The following OR10K2 variants were observed in gnomAD, a reference collection of about 807,000 sequenced individuals.
OR10K2 encodes olfactory receptor 10K2.
For synonymous variants in OR10K2, 169 were observed against 146.4 expected (o/e 1.15, Z -1.11); for missense variants, 401 against 367.1 (o/e 1.09, Z -0.76).
chr1:158,422,659 A>G (rs1655181307), intron 1 of OR10K2, among the ~76,000 whole-genome samples: 1 of 152,124 alleles, frequency 6.6e-6, no homozygotes, highest in African/African-American at 2.4e-5. Flanking sequence ...TAACAAAATT[A>G]ATGACAATGC....
rs1356912127 is a variant in OR10K2, at chr1:158,418,557, TG to T, written c.*1370del. 1.3e-5 allele frequency: 2 copies of T among 152,134 alleles called. No homozygotes were observed. The highest frequency in any genetic ancestry group is 4.8e-5 in the African/African-American group (2 of 41,444). The allele number at this position is 152,134 out of a possible 1,614,324, so 9.4% of individuals were successfully genotyped here. A position where few individuals can be genotyped will look rare whatever the true frequency, so the allele number is the denominator to read the frequency against. ...AAGAAATGCAATTGACTTACATTCT[TG>T]GCAGATGTCCTACAATAAACAGGGC... is the stretch of plus-strand genomic sequence containing the variant. On this transcript the variant is annotated 3_prime_UTR_variant, in exon 2 of 2. Coordinates refer to ENST00000641042, the MANE Select transcript of OR10K2 (RefSeq NM_001004476.2).
At position 158,426,178 on chromosome 1, in the gene OR10K2, T is replaced by C. The variant is rs1655251865; in HGVS notation, c.-307A>G. 1 of 152,066 alleles carries C rather than the reference T, an allele frequency of 6.6e-6. No individual in the cohort carries two copies. The highest frequency in any genetic ancestry group is 2.1e-4 in the South Asian group (1 of 4,822). The allele number at this position is 152,066 out of a possible 1,614,324, so 9.4% of individuals were successfully genotyped here. A position where few individuals can be genotyped will look rare whatever the true frequency, so the allele number is the denominator to read the frequency against. ...CAAAATGGGTCACAGGCTACTGATA[T>C]TTACTCAGAGGTAGAGATGTGATGA... On this transcript the variant is annotated 5_prime_UTR_variant, in exon 1 of 2. Transcript: ENST00000641042.
chr1:158,420,881 C>A lies in OR10K2; in HGVS notation c.-15G>T. On this transcript the variant is annotated 5_prime_UTR_variant, in exon 2 of 2. Transcript: ENST00000641042. Reference sequence around the variant, plus strand: ...ACCCGCTCCATGGAGCATACATCATCAGGAGACAATTAGGGAGAGAAGAGG... The same window carrying A: ...ACCCGCTCCATGGAGCATACATCATAAGGAGACAATTAGGGAGAGAAGAGG... 1 of 1,607,342 alleles carries A rather than the reference C, an allele frequency of 6.2e-7. No individual in the cohort carries two copies. Among genetic ancestry groups the A allele is most frequent in the Non-Finnish European group, 8.5e-7 (1 of 1,176,230 alleles).
intron 1 of OR10K2, among the ~76,000 whole-genome samples, chr1:158,424,538 T>C (rs2101648951): frequency 6.6e-6 from 1 of 152,240 alleles, no homozygotes; most frequent in South Asian, 2.1e-4. Context: ...AGTTGACATT[T>C]ATCACATGCT....
intron 1 of OR10K2, 49 bp downstream of exon 1, chr1:158,425,883 TC>T (rs1655244282): frequency 2.0e-5 from 3 of 152,118 alleles, no homozygotes; most frequent in Admixed American, 2.0e-4. Flanking sequence ...AGTCTCTCTT[TC>T]TGTTATTGGT....
intron 1 of OR10K2, among the ~76,000 whole-genome samples, chr1:158,424,834 T>C (rs932895439): frequency 5.3e-5 from 8 of 151,968 alleles, no homozygotes; most frequent in African/African-American, 1.7e-4. Context: ...TGCTACAATT[T>C]TGTTATGGCC....
chr1:158,420,175 G>A lies in OR10K2; in HGVS notation c.692C>T (p.Thr231Ile). The A allele has an allele frequency of 6.2e-7, 1 of 1,613,772 alleles. No homozygotes were observed. The highest frequency in any genetic ancestry group is 1.3e-5 in the African/African-American group (1 of 75,014). Residue 231 changes from threonine to isoleucine, a missense_variant, in exon 2 of 2, where the codon ACA becomes ATA. Physicochemically the swap from Thr to Ile is moderately conservative, Grantham distance 89. Transcript: ENST00000641042. ...AGAAAAAGCTTTGCACCTACCCAGTGTGGAAGGAAACTGAAGTATGGCAGA... is the reference window on the plus strand; with the variant it reads ...AGAAAAAGCTTTGCACCTACCCAGTATGGAAGGAAACTGAAGTATGGCAGA... ...ILSAILQFPS[T>I]LGRCKAFSTC...
chr1:158,420,764 A>G lies in OR10K2; in HGVS notation c.103T>C (p.Tyr35His), dbSNP rs1192622125. ...QLLFVIFLLL[Y>H]LFTLGTNAII... ...GCATTGGTGCCCAGAGTGAACAGGT[A>G]GAGGAGCAGGAAGATAACAAAGAGC... The change falls in exon 2 of 2, where the codon TAC (tyrosine) becomes CAC (histidine). Residue 35 changes from tyrosine (Y) to histidine (H), a missense_variant. Physicochemically the swap from Tyr to His is moderately conservative, Grantham distance 83. Coordinates refer to ENST00000641042, the MANE Select transcript of OR10K2 (RefSeq NM_001004476.2). 1 of 1,613,778 alleles carries G rather than the reference A, an allele frequency of 6.2e-7. No individual in the cohort carries two copies. Among genetic ancestry groups the G allele is most frequent in the East Asian group, 2.2e-5 (1 of 44,848 alleles).
intron 1 of OR10K2, among the ~76,000 whole-genome samples, chr1:158,421,409 C>T (rs1479035469): frequency 2.0e-5 from 3 of 152,136 alleles, no homozygotes; most frequent in African/African-American, 7.2e-5. Context: ...TTTTCCTTAC[C>T]TCCTGGCAGG....
chr1:158,425,624 A>G (rs1029641733), intron 1 of OR10K2, among the ~76,000 whole-genome samples: 2 of 152,052 alleles, frequency 1.3e-5, no homozygotes, highest in African/African-American at 2.4e-5. Flanking sequence ...TAGGTATTAT[A>G]TCTTTGTGTA....
At position 158,418,761 on chromosome 1, in the gene OR10K2, T is replaced by C. The variant is rs540032465; in HGVS notation, c.*1167A>G. 2.6e-5 allele frequency: 4 copies of C among 152,282 alleles called. No individual in the cohort carries two copies. The highest frequency in any genetic ancestry group is 6.5e-5 in the Admixed American group (1 of 15,284). 9.4% of individuals were successfully genotyped at this position (152,282 alleles called of 1,614,324 possible). A position where few individuals can be genotyped will look rare whatever the true frequency, so the allele number is the denominator to read the frequency against. ...GTTATAATGTGAGAAATCATCACTA[T>C]TGTGAAACTTCCTTTTTGCTATCAC... is the stretch of plus-strand genomic sequence containing the variant. On this transcript the variant is annotated 3_prime_UTR_variant, in exon 2 of 2. Coordinates refer to ENST00000641042, the MANE Select transcript of OR10K2 (RefSeq NM_001004476.2).
In OR10K2 at chr1:158,420,238, G is replaced by A. The variant is rs76478452; in HGVS notation, c.629C>T (p.Pro210Leu). The A allele has an allele frequency of 5.5e-5, 88 of 1,613,632 alleles. No homozygotes were observed. The Admixed American group carries it at 1.4e-3, about 26-fold the overall frequency. ...ATAGGACACCAAGATCAACAATAAG[G>A]GGATAGCCAGGACCAATGTACAGAG... The part of the protein sequence containing the change: ...FMLCTLVLAI[P>L]LLLILVSYVH... Residue 210 changes from proline (P) to leucine (L), a missense_variant, in exon 2 of 2, where the codon CCC (proline) becomes CTC (leucine). Coordinates refer to ENST00000641042, the MANE Select transcript of OR10K2 (RefSeq NM_001004476.2).
In OR10K2 at chr1:158,420,819, G is replaced by T; in HGVS notation, c.48C>A (p.Gly16=). The T allele has an allele frequency of 6.2e-7, 1 of 1,613,604 alleles. No individual in the cohort carries two copies. The highest frequency in any genetic ancestry group is 8.5e-7 in the Non-Finnish European group (1 of 1,179,806). The change falls in exon 2 of 2, where the codon GGC becomes GGA. Residue 16 remains glycine (G), a synonymous_variant. Coordinates refer to ENST00000641042, the MANE Select transcript of OR10K2 (RefSeq NM_001004476.2). The part of the protein sequence containing the change: ...ETVVREVIFL[G]FSSLARLQQL... ...GCTGCAGCCTGGCCAGGGATGAGAAGCCGAGGAAGATGACCTCTCTCACCA... is the reference window on the plus strand; with the variant it reads ...GCTGCAGCCTGGCCAGGGATGAGAATCCGAGGAAGATGACCTCTCTCACCA...
rs190443859 is a variant in OR10K2, at chr1:158,421,084, C to A, written c.-61-157G>T. ...CAAACTTTGAGTCTCCATAGTAGTT[C>A]TAACACCATAGCCAAAAAGTTCTTG... On this transcript the variant is annotated intron_variant, in intron 1 of 1. Transcript: ENST00000641042. 6.6e-5 allele frequency among the ~76,000 whole-genome samples: 10 copies of A among 152,172 alleles called. 1 individual carries two copies. Among genetic ancestry groups the A allele is most frequent in the Admixed American group, 6.6e-4 (10 of 15,266 alleles).
In OR10K2 at chr1:158,420,681, G is replaced by A. The variant is rs1294825100; in HGVS notation, c.186C>T (p.Phe62=). 1.2e-6 allele frequency: 2 copies of A among 1,613,794 alleles called. No homozygotes were observed. The highest frequency in any genetic ancestry group is 1.7e-6 in the Non-Finnish European group (2 of 1,179,908). The change falls in exon 2 of 2, where the codon TTC becomes TTT. Residue 62 remains phenylalanine, a synonymous_variant. Coordinates refer to ENST00000641042, the MANE Select transcript of OR10K2 (RefSeq NM_001004476.2). ...DRALHIPMYF[F]LAILSCSEIC... Reference sequence around the variant, plus strand: ...TCTCAGAGCAAGAGAGGATGGCAAGGAAGAAGTACATGGGGATATGAAGGG... The same window carrying A: ...TCTCAGAGCAAGAGAGGATGGCAAGAAAGAAGTACATGGGGATATGAAGGG...
chr1:158,423,319 T>C (rs1293974211), intron 1 of OR10K2, among the ~76,000 whole-genome samples: 1 of 151,660 alleles, frequency 6.6e-6, no homozygotes, highest in Non-Finnish European at 1.5e-5. Context: ...TTAGTACTAC[T>C]AATAAATTTC....
Position 158,420,732 on chromosome 1 carries a change from G to A in OR10K2, c.135C>T (p.Ile45=), listed in dbSNP as rs768524621. The change falls in exon 2 of 2, where the codon ATC becomes ATT. Residue 45 remains isoleucine (I), a synonymous_variant. Coordinates refer to ENST00000641042, the MANE Select transcript of OR10K2 (RefSeq NM_001004476.2). ...YLFTLGTNAI[I]ISTIVLDRAL... is the part of the protein sequence containing the mutation. ...CCCTGTCCAGGACAATGGTGGAAAT[G>A]ATGATTGCATTGGTGCCCAGAGTGA... 6.2e-6 allele frequency: 10 copies of A among 1,613,662 alleles called. No individual in the cohort carries two copies. In the African/African-American group the frequency reaches 1.3e-4, roughly 22 times the overall value.
At position 158,420,590 on chromosome 1, in the gene OR10K2, A is replaced by G. The variant is rs150834362; in HGVS notation, c.277T>C (p.Ser93Pro). Reference sequence around the variant, plus strand: ...ATTTGGATGGCACAGCCCAGGAAAGAAATGGTCTTCTTCTGGGACAGCAGG... The same window carrying G: ...ATTTGGATGGCACAGCCCAGGAAAGGAATGGTCTTCTTCTGGGACAGCAGG... ...VDLLSQKKTI[S>P]FLGCAIQMFS... Residue 93 changes from serine to proline, a missense_variant, in exon 2 of 2, where the codon TCT becomes CCT. Ser to Pro is a moderately conservative substitution (Grantham distance 74). Coordinates refer to ENST00000641042, the MANE Select transcript of OR10K2 (RefSeq NM_001004476.2). 708 of 1,613,962 alleles carry G rather than the reference A, an allele frequency of 4.4e-4. 5 individuals carry two copies. The African/African-American group carries it at 6.0e-3, about 14-fold the overall frequency.
chr1:158,420,002 T>C lies in OR10K2; in HGVS notation c.865A>G (p.Ile289Val). Residue 289 changes from isoleucine (I) to valine (V), a missense_variant, in exon 2 of 2, where the codon ATT (isoleucine) becomes GTT (valine). By Grantham distance (29) the Ile-to-Val change is conservative. Coordinates refer to ENST00000641042, the MANE Select transcript of OR10K2 (RefSeq NM_001004476.2). ...AACTCTTTATTTCTCAAGCTATAAATCATTGGGTTGAACAATGGAGTTATA... is the reference window on the plus strand; with the variant it reads ...AACTCTTTATTTCTCAAGCTATAAACCATTGGGTTGAACAATGGAGTTATA... ...TIITPLFNPM[I>V]YSLRNKEFKS... The C allele has an allele frequency of 6.2e-7, 1 of 1,613,352 alleles. No individual in the cohort carries two copies. Among genetic ancestry groups the C allele is most frequent in the Non-Finnish European group, 8.5e-7 (1 of 1,179,516 alleles).
Sources: gnomAD v4.1 joint callset for allele counts (sites outside exome capture counted in the v4.1 genomes callset) on GRCh38, gnomAD v4.1.1 for gene constraint, MANE v1.5 for transcripts, NCBI Gene and HGNC (gene_info 2026-07-23, HGNC 2026-07-21) for gene names.